FBXO11: variants seen among roughly 807,000 people sequenced by gnomAD.
The protein encoded by FBXO11 is F-box only protein 11.
In FBXO11, 13 loss-of-function variants were observed where a neutral mutation model predicts 117.0. The ratio of observed to expected loss-of-function variants is 0.11; its 90% CI spans 0.07 to 0.18. FBXO11 has a LOEUF of 0.18. Among genes scored for constraint, FBXO11 ranks in the 10% least tolerant of loss-of-function variants. The pLI, the probability that FBXO11 is intolerant of heterozygous loss-of-function variation, is 1.00. For synonymous variants in FBXO11, 490 were observed against 380.5 expected (o/e 1.29, Z -3.35); for missense variants, 767 against 1,164.4 (o/e 0.66, Z 4.97).
chr2:47,880,956 T>A (rs892306785), intron 1 of FBXO11, among the ~76,000 whole-genome samples: 40 of 148,182 alleles, frequency 2.7e-4, no homozygotes, highest in African/African-American at 8.8e-4. Flanking sequence ...ATATCTTTTT[T>A]AAGAAAGGCA....
At chr2:47,882,901 A>C (rs1676540533) in intron 1 of FBXO11, among the ~76,000 whole-genome samples, 1 of 152,102 alleles carries the variant, frequency 6.6e-6, no homozygotes, top group Non-Finnish European at 1.5e-5. Flanking sequence ...TCCCTGTCTC[A>C]GCCTCCCAAA....
intron 1 of FBXO11, among the ~76,000 whole-genome samples, chr2:47,891,576 A>C (rs1396899101): frequency 6.6e-6 from 1 of 152,242 alleles, no homozygotes; most frequent in Non-Finnish European, 1.5e-5. Flanking sequence ...GTGCCATTAT[A>C]AACATGGGAG....
At chr2:47,903,295 C>T (rs1038510848) in intron 1 of FBXO11, among the ~76,000 whole-genome samples, 1 of 152,114 alleles carries the variant, frequency 6.6e-6, no homozygotes, top group African/African-American at 2.4e-5. Context: ...AGTTCTTTTC[C>T]TCTCTGCTCT....
chr2:47,810,320 G>C lies in FBXO11; in HGVS notation c.2334C>G (p.Ala778=), dbSNP rs753855819. The C allele has an allele frequency of 1.9e-6, 3 of 1,599,176 alleles. No individual in the cohort carries two copies. Among genetic ancestry groups the C allele is most frequent in the Non-Finnish European group, 2.6e-6 (3 of 1,171,586 alleles). ...LRKNRIFDGF[A]AGIEITNHAT... ...GTAAGAAAAGAAAATACAAACCTGC[G>C]GCAAATCCATCAAATATTCTGTTTT... Residue 778 remains alanine, a synonymous_variant, in exon 19 of 23, where the codon GCC becomes GCG. Transcript: ENST00000403359.
intron 1 of FBXO11, among the ~76,000 whole-genome samples, chr2:47,895,341 G>T (rs1366838243): frequency 6.6e-6 from 1 of 152,142 alleles, no homozygotes; most frequent in African/African-American, 2.4e-5. Context: ...AAAAACTAAT[G>T]CTACAAGCAG....
At chr2:47,871,080 G>C (rs1034105867) in intron 1 of FBXO11, among the ~76,000 whole-genome samples, 9 of 152,088 alleles carry the variant, frequency 5.9e-5, no homozygotes, top group African/African-American at 2.2e-4. Flanking sequence ...CTCCCCTTAA[G>C]TATTGGTTGA....
intron 1 of FBXO11, among the ~76,000 whole-genome samples, chr2:47,855,410 T>C (rs1203388566): frequency 6.6e-6 from 1 of 152,098 alleles, no homozygotes; most frequent in East Asian, 1.9e-4. Context: ...GGTAGACTCA[T>C]TTTATCTCCA....
At chr2:47,899,390 A>G (rs921550867) in intron 1 of FBXO11, among the ~76,000 whole-genome samples, 1 of 152,034 alleles carries the variant, frequency 6.6e-6, no homozygotes, top group Non-Finnish European at 1.5e-5. Context: ...TATACAGCTG[A>G]TACAATCCCT....
intron 1 of FBXO11, among the ~76,000 whole-genome samples, chr2:47,870,294 A>G (rs1675528273): frequency 6.6e-6 from 1 of 152,100 alleles, no homozygotes; most frequent in African/African-American, 2.4e-5. Context: ...CCATAAATCT[A>G]AAGAGTTGCT....
chr2:47,824,999 C>T (rs576743676), intron 11 of FBXO11, among the ~76,000 whole-genome samples: 1 of 152,242 alleles, frequency 6.6e-6, no homozygotes, highest in South Asian at 2.1e-4. Context: ...TCCATTTCTA[C>T]CCCACTGTAA....
chr2:47,882,281 G>A (rs1395913186), intron 1 of FBXO11, among the ~76,000 whole-genome samples: 1 of 152,120 alleles, frequency 6.6e-6, no homozygotes, highest in African/African-American at 2.4e-5. Flanking sequence ...GAATGTTGTG[G>A]AGAATTCTAA....
chr2:47,897,348 C>A (rs527565470), intron 1 of FBXO11, among the ~76,000 whole-genome samples: 2 of 152,312 alleles, frequency 1.3e-5, no homozygotes, highest in South Asian at 2.1e-4. Flanking sequence ...TACAGTAACA[C>A]AGACACCAAT....
intron 11 of FBXO11, among the ~76,000 whole-genome samples, chr2:47,830,371 C>T (rs542234459): frequency 1.4e-4 from 21 of 151,854 alleles, no homozygotes; most frequent in African/African-American, 4.8e-4. Flanking sequence ...ATCCATAAGG[C>T]GTTCTTTAAA....
intron 1 of FBXO11, chr2:47,888,719 T>C: frequency 2.1e-6 from 2 of 957,904 alleles, no homozygotes; most frequent in Non-Finnish European, 2.5e-6. Context: ...ATTGCTATGA[T>C]ACAGTATCAT....
At chr2:47,844,997 A>G (rs747644453) in intron 1 of FBXO11, among the ~76,000 whole-genome samples, 1 of 152,188 alleles carries the variant, frequency 6.6e-6, no homozygotes, top group African/African-American at 2.4e-5. Context: ...TAATGTCTCT[A>G]TCAGCTTGTT....
intron 16 of FBXO11, among the ~76,000 whole-genome samples, chr2:47,814,689 C>T (rs1670888199): frequency 6.6e-6 from 1 of 152,118 alleles, no homozygotes; most frequent in South Asian, 2.1e-4. Context: ...AACTGGCAAT[C>T]TCTTAAAATA....
At chr2:47,820,669 T>G (rs1369476597) in intron 13 of FBXO11, among the ~76,000 whole-genome samples, 1 of 152,236 alleles carries the variant, frequency 6.6e-6, no homozygotes, top group Non-Finnish European at 1.5e-5. Context: ...TGCCACATTT[T>G]GAATCCCAGG....
chr2:47,839,732 T>A lies in FBXO11; in HGVS notation c.270A>T (p.Ser90=), dbSNP rs763496000. ...DVPADMVAEE[S]GPGAQNSPYQ... ...ATGGACTATTTTGTGCACCAGGACC[T>A]GATTCTTCTGCAACCATATCTGCAG... is the stretch of plus-strand genomic sequence containing the variant. Residue 90 remains serine, a synonymous_variant, in exon 2 of 23, where the codon TCA becomes TCT. Coordinates refer to ENST00000403359, the MANE Select transcript of FBXO11 (RefSeq NM_001190274.2). 2.5e-6 allele frequency: 4 copies of A among 1,613,982 alleles called. No individual in the cohort carries two copies. The Admixed American group carries it at 5.0e-5, about 20-fold the overall frequency.
chr2:47,866,286 A>C (rs1304755301), intron 1 of FBXO11, among the ~76,000 whole-genome samples: 1 of 151,918 alleles, frequency 6.6e-6, no homozygotes, highest in African/African-American at 2.4e-5. Flanking sequence ...GGGAAATAAA[A>C]ATGATTCAAA....
Sources: gnomAD v4.1 joint callset for allele counts (sites outside exome capture counted in the v4.1 genomes callset) on GRCh38, gnomAD v4.1.1 for gene constraint, MANE v1.5 for transcripts, NCBI Gene and HGNC (gene_info 2026-07-23, HGNC 2026-07-21) for gene names.